Variants in ERCC3 observed in about 807,000 individuals in gnomAD.
ERCC3 encodes the protein ERCC excision repair 3, TFIIH core complex helicase subunit, also known as general transcription and DNA repair factor IIH helicase/translocase subunit XPB.
In ERCC3, 66 loss-of-function variants were observed where a neutral mutation model predicts 94.2. The ratio of observed to expected loss-of-function variants is 0.70; its 90% CI spans 0.57 to 0.86. The LOEUF is 0.86. Among genes scored for constraint, ERCC3 ranks in the 40% least tolerant of loss-of-function variants. The probability of loss-of-function intolerance (pLI) is 0.00; values close to 1 mark genes in which losing one functional copy is unlikely to be tolerated. For missense variants in ERCC3, 829 were observed against 987.1 expected (o/e 0.84, Z 2.15); for synonymous variants, 349 against 369.1 (o/e 0.95, Z 0.63).
chr2:127,283,849 A>G (rs1007102347), intron 8 of ERCC3, among the ~76,000 whole-genome samples: 2 of 152,146 alleles, frequency 1.3e-5, no homozygotes, highest in African/African-American at 4.8e-5. Flanking sequence ...TTTTTGACAT[A>G]TGTATATCCT....
rs143373669 is a variant in ERCC3 at position 127,284,465 on chromosome 2, G to A, written c.1342+2238C>T. On this transcript the variant is annotated intron_variant, in intron 8 of 14. Coordinates refer to ENST00000285398, the MANE Select transcript of ERCC3 (RefSeq NM_000122.2). The surrounding 1 kb of genome is among the most constrained non-coding windows in gnomAD (Gnocchi z 4.1). Reference sequence around the variant, plus strand: ...TTCCCACAGCAGGGCCCACACCCTGGGCTTCCATCAGAAAGACCTCCAATC... The same window carrying A: ...TTCCCACAGCAGGGCCCACACCCTGAGCTTCCATCAGAAAGACCTCCAATC... Among the ~76,000 whole-genome samples, 3 of 152,120 alleles carry A rather than the reference G, an allele frequency of 2.0e-5. No individual in the cohort carries two copies. The highest frequency in any genetic ancestry group is 7.2e-5 in the African/African-American group (3 of 41,412).
At chr2:127,285,064 G>A (rs1479401136) in intron 8 of ERCC3, among the ~76,000 whole-genome samples, 1 of 152,056 alleles carries the variant, frequency 6.6e-6, no homozygotes, top group East Asian at 1.9e-4. Context: ...AGCAATAAAA[G>A]GAACAAACTA....
At chr2:127,285,583 G>A (rs942580156) in intron 8 of ERCC3, among the ~76,000 whole-genome samples, 9 of 152,214 alleles carry the variant, frequency 5.9e-5, no homozygotes, top group East Asian at 1.9e-4. Flanking sequence ...CTAGCTACTC[G>A]GGAGGCTGAG....
At chr2:127,269,937 C>A (rs1684498110) in intron 12 of ERCC3, among the ~76,000 whole-genome samples, 2 of 152,048 alleles carry the variant, frequency 1.3e-5, no homozygotes, top group African/African-American at 4.8e-5. Context: ...GTGAATCACA[C>A]TTGACCCCAG....
rs56013308 is a variant in ERCC3 at position 127,261,169 on chromosome 2, G to C, written c.2064+59C>G. The C allele has an allele frequency of 5.9e-4, 582 of 981,196 alleles. 2 individuals carry two copies. The African/African-American group carries it at 7.7e-3, about 13-fold the overall frequency. The allele number at this position is 981,196 out of a possible 1,614,324, so 60.8% of individuals were successfully genotyped here. ...GACAGTGGCCCTCGCTTCTCCTGGA[G>C]GCCAGGGTATCAAGAAGGCCTTGGT... is the stretch of plus-strand genomic sequence containing the variant. On this transcript the variant is annotated intron_variant, in intron 13 of 14. Coordinates refer to ENST00000285398, the MANE Select transcript of ERCC3 (RefSeq NM_000122.2).
At chr2:127,285,980 C>A (rs1685052453) in intron 8 of ERCC3, among the ~76,000 whole-genome samples, 1 of 129,604 alleles carries the variant, frequency 7.7e-6, no homozygotes, top group Non-Finnish European at 1.7e-5. Context: ...AATAGAGCAG[C>A]TTAAAAAAAA....
Position 127,279,313 on chromosome 2 carries a change from T to G in ERCC3, c.1590A>C (p.Arg530=). Residue 530 remains arginine, a synonymous_variant, in exon 10 of 15, where the codon CGA becomes CGC. Coordinates refer to ENST00000285398, the MANE Select transcript of ERCC3 (RefSeq NM_000122.2). This position sits in a 1 kb window ranked among gnomAD's most constrained non-coding sequence, Gnocchi z 4.7. ...REYVAIKTKK[R]ILLYTMNPNK... is the part of the protein sequence containing the mutation. ...TGGGGTTCATGGTGTACAGCAAGAT[T>G]CGTTTCTTGGTTTTGATTGCCACAT... The G allele has an allele frequency of 6.2e-7, 1 of 1,614,186 alleles. No homozygotes were observed. The highest frequency in any genetic ancestry group is 8.5e-7 in the Non-Finnish European group (1 of 1,179,998).
chr2:127,290,809 C>T (rs1428163642), intron 3 of ERCC3: 2 of 179,400 alleles, frequency 1.1e-5, no homozygotes, highest in Admixed American at 1.1e-4. Context: ...AGGCCAGGCA[C>T]GGTGGCTCAC....
rs1684131292 is a variant in ERCC3, at chr2:127,259,606, C to G, written c.2065-158G>C. ...AGCTCCTCCCTAGCATTCCAGAGACCAGCATCAGGAGCCGCCTTTAACAGG... is the reference window on the plus strand; with the variant it reads ...AGCTCCTCCCTAGCATTCCAGAGACGAGCATCAGGAGCCGCCTTTAACAGG... On this transcript the variant is annotated intron_variant, in intron 13 of 14. Transcript: ENST00000285398. The surrounding 1 kb of genome is among the most constrained non-coding windows in gnomAD (Gnocchi z 4.9). 3.4e-6 allele frequency: 3 copies of G among 892,030 alleles called. No individual in the cohort carries two copies. Among genetic ancestry groups the G allele is most frequent in the South Asian group, 2.7e-5 (2 of 74,034 alleles). The allele number at this position is 892,030 out of a possible 1,614,324, so 55.3% of individuals were successfully genotyped here.
intron 8 of ERCC3, among the ~76,000 whole-genome samples, chr2:127,285,219 T>C (rs77578455): frequency 9.3e-4 from 141 of 152,260 alleles, no homozygotes; most frequent in African/African-American, 3.2e-3. Flanking sequence ...TGAAGCTAGA[T>C]AGAGAAACAA....
At chr2:127,268,591 C>T (rs969575969) in intron 12 of ERCC3, among the ~76,000 whole-genome samples, 16 of 152,136 alleles carry the variant, frequency 1.1e-4, no homozygotes, top group African/African-American at 2.9e-4. Context: ...TTTAAGAATG[C>T]TAAAAACAGT....
Position 127,292,810 on chromosome 2 carries a change from G to A in ERCC3, c.271C>T (p.Pro91Ser), listed in dbSNP as rs1438551749. The A allele has an allele frequency of 2.5e-6, 4 of 1,613,686 alleles. No homozygotes were observed. Among genetic ancestry groups the A allele is most frequent in the Non-Finnish European group, 3.4e-6 (4 of 1,179,918 alleles). ...AAGTCTTGGGCATATTTGTAAACTG[G>A]AGAGAAGGCTTCCAAGAAGATATGG... Reference protein sequence around the residue: ...DGHIFLEAFSPVYKYAQDFLV... With the variant: ...DGHIFLEAFSSVYKYAQDFLV... The change falls in exon 3 of 15, where the codon CCA becomes TCA. Residue 91 changes from proline (P) to serine (S), a missense_variant. Coordinates refer to ENST00000285398, the MANE Select transcript of ERCC3 (RefSeq NM_000122.2).
intron 12 of ERCC3, among the ~76,000 whole-genome samples, chr2:127,269,214 A>G (rs1183733091): frequency 1.3e-5 from 2 of 152,218 alleles, no homozygotes; most frequent in Non-Finnish European, 2.9e-5. Context: ...TTAAAAAACT[A>G]GGACAGAAAA....
intron 3 of ERCC3, chr2:127,290,725 C>A (rs996995031): frequency 8.4e-5 from 22 of 262,648 alleles, no homozygotes; most frequent in Admixed American, 1.0e-4. Context: ...CAGCTTAAAT[C>A]CTCCCAGGTT....
At chr2:127,265,143 G>A (rs934614085) in intron 12 of ERCC3, among the ~76,000 whole-genome samples, 2 of 152,016 alleles carry the variant, frequency 1.3e-5, no homozygotes, top group African/African-American at 4.8e-5. Flanking sequence ...CACCATGCCT[G>A]GGGCCATATT....
At position 127,259,168 on chromosome 2, in the gene ERCC3, G is replaced by T; in HGVS notation, c.2217+128C>A. 9.5e-7 allele frequency: 1 copy of T among 1,047,576 alleles called. No homozygotes were observed. Among genetic ancestry groups the T allele is most frequent in the Non-Finnish European group, 1.4e-6 (1 of 690,174 alleles). 64.9% of individuals were successfully genotyped at this position (1,047,576 alleles called of 1,614,324 possible). ...AGGATTGTTTCTGTTCATCTCTTCCGTGTTTTCCAACATTTCCAAAAAAAT... is the reference window on the plus strand; with the variant it reads ...AGGATTGTTTCTGTTCATCTCTTCCTTGTTTTCCAACATTTCCAAAAAAAT... On this transcript the variant is annotated intron_variant, in intron 14 of 14. Transcript: ENST00000285398. This position sits in a 1 kb window ranked among gnomAD's most constrained non-coding sequence, Gnocchi z 4.9.
rs921626916 is a variant in ERCC3, at chr2:127,274,342, GA to G, written c.1731-1382del. 3.4e-4 allele frequency among the ~76,000 whole-genome samples: 51 copies of G among 150,628 alleles called. No homozygotes were observed. Among genetic ancestry groups the G allele is most frequent in the Non-Finnish European group, 6.8e-4 (46 of 67,574 alleles). On this transcript the variant is annotated intron_variant, in intron 10 of 14. Transcript: ENST00000285398. This position sits in a 1 kb window ranked among gnomAD's most constrained non-coding sequence, Gnocchi z 4.0. ...AAAAAAAAAAAAAAGAAAAAGAAAAGAAAAAAATCCAGCCAGCCCTGCCAAG... is the reference window on the plus strand; with the variant it reads ...AAAAAAAAAAAAAAGAAAAAGAAAAGAAAAAATCCAGCCAGCCCTGCCAAG...
chr2:127,293,746 C>G, intron 1 of ERCC3, 28 bp from the exon 2 acceptor site: 1 of 1,607,192 alleles, frequency 6.2e-7, no homozygotes, highest in Non-Finnish European at 8.5e-7. Flanking sequence ...AGAAGTAAGC[C>G]CAGCAGGAGC....
Position 127,279,492 on chromosome 2 carries a change from T to C in ERCC3, c.1528-117A>G, listed in dbSNP as rs539892160. 99 of 813,482 alleles carry C rather than the reference T, an allele frequency of 1.2e-4. No individual in the cohort carries two copies. In the African/African-American group the frequency reaches 1.4e-3, roughly 11 times the overall value. The allele number at this position is 813,482 out of a possible 1,614,324, so 50.4% of individuals were successfully genotyped here. ...TTAAAACAAAACCAGTCAGGTGCAG[T>C]GGCTCATGCCTGTAATGCCAGCAGT... On this transcript the variant is annotated intron_variant, in intron 9 of 14. Coordinates refer to ENST00000285398, the MANE Select transcript of ERCC3 (RefSeq NM_000122.2). This position sits in a 1 kb window ranked among gnomAD's most constrained non-coding sequence, Gnocchi z 4.7.
Sources: allele counts gnomAD v4.1 joint callset (sites outside exome capture counted in the v4.1 genomes callset), GRCh38; gene constraint gnomAD v4.1.1; non-coding constraint Gnocchi (gnomAD v3.1); transcripts MANE v1.5; gene names NCBI Gene and HGNC (gene_info 2026-07-23, HGNC 2026-07-21).